Variants in PTPRD observed in about 807,000 individuals in gnomAD.
The protein encoded by PTPRD is protein tyrosine phosphatase receptor type D, also known as receptor-type tyrosine-protein phosphatase delta.
Under a neutral mutation model 214.5 loss-of-function variants are expected in PTPRD, and 34 were observed. The ratio of observed to expected loss-of-function variants is 0.16; its 90% confidence interval spans 0.12 to 0.21. The LOEUF (loss-of-function observed/expected upper bound fraction) is 0.21. Ranked by LOEUF, PTPRD falls within the 10% of genes least tolerant of loss-of-function variation. The probability of loss-of-function intolerance (pLI) is 1.00; values close to 1 mark genes in which losing one functional copy is unlikely to be tolerated. For missense variants in PTPRD, 2,545 were observed against 2,398.7 expected (o/e 1.06, Z -1.27); for synonymous variants, 1,128 against 845.7 (o/e 1.33, Z -5.79).
intron 3 of PTPRD, among the ~76,000 whole-genome samples, chr9:10,191,610 T>A (rs151229359): frequency 6.6e-6 from 1 of 152,286 alleles, no homozygotes; most frequent in Non-Finnish European, 1.5e-5. Flanking sequence ...GATATCCCTA[T>A]ACTTTGTTTG....
Position 10,118,608 on chromosome 9 carries a change from G to A in PTPRD, c.-544-84818C>T, listed in dbSNP as rs543257242. Among the ~76,000 whole-genome samples, 15 of 151,522 alleles carry A rather than the reference G, an allele frequency of 9.9e-5. No individual in the cohort carries two copies. The South Asian group carries it at 2.7e-3, about 27-fold the overall frequency. The stretch of plus-strand genomic sequence containing the variant: ...AATGTGCAAGTAAAAAAGAATTGGA[G>A]AATAAAAGAATTAAAGATGTTAGTT... On this transcript the variant is annotated intron_variant, in intron 3 of 45. Transcript: ENST00000381196.
intron 11 of PTPRD, among the ~76,000 whole-genome samples, chr9:8,955,753 T>A: frequency 6.6e-6 from 1 of 151,822 alleles, no homozygotes; most frequent in Admixed American, 6.6e-5. Context: ...GCCTTTTAAT[T>A]AAAAAAAGTC....
chr9:10,536,686 C>T (rs1235106077), intron 2 of PTPRD, among the ~76,000 whole-genome samples: 2 of 152,028 alleles, frequency 1.3e-5, no homozygotes, highest in African/African-American at 4.8e-5. Context: ...CTGGTTAACA[C>T]AGAATGCATT....
At chr9:9,543,864 T>C (rs1339744727) in intron 8 of PTPRD, among the ~76,000 whole-genome samples, 1 of 151,704 alleles carries the variant, frequency 6.6e-6, no homozygotes, top group Non-Finnish European at 1.5e-5. Flanking sequence ...GCTTAACTAT[T>C]GTTAAAACAA....
chr9:10,187,203 T>C (rs575386874), intron 3 of PTPRD, among the ~76,000 whole-genome samples: 1 of 152,256 alleles, frequency 6.6e-6, no homozygotes, highest in Admixed American at 6.5e-5. Context: ...AACCTTTCTG[T>C]CTCTTACAGC....
At chr9:9,053,319 T>C (rs530160730) in intron 10 of PTPRD, among the ~76,000 whole-genome samples, 8 of 152,214 alleles carry the variant, frequency 5.3e-5, no homozygotes, top group African/African-American at 1.9e-4. Context: ...GAAATAATCA[T>C]TAAAAATTTT....
At chr9:10,200,149 C>T (rs1296455574) in intron 3 of PTPRD, among the ~76,000 whole-genome samples, 2 of 151,994 alleles carry the variant, frequency 1.3e-5, no homozygotes, top group East Asian at 1.9e-4. Flanking sequence ...CTTTCTTTTA[C>T]CTCCCTCTTG....
chr9:9,689,926 G>A (rs1232707364), intron 7 of PTPRD, among the ~76,000 whole-genome samples: 14 of 151,914 alleles, frequency 9.2e-5, no homozygotes, highest in Non-Finnish European at 1.8e-4. Context: ...TAACTACTGT[G>A]AATAGTGCTG....
chr9:10,476,883 G>C (rs1426569821), intron 2 of PTPRD, among the ~76,000 whole-genome samples: 2 of 152,008 alleles, frequency 1.3e-5, no homozygotes, highest in African/African-American at 4.8e-5. Flanking sequence ...CAAGCAATAG[G>C]TAAAGAATTC....
chr9:10,441,597 T>C (rs1472451227), intron 2 of PTPRD, among the ~76,000 whole-genome samples: 1 of 151,682 alleles, frequency 6.6e-6, no homozygotes, highest in Non-Finnish European at 1.5e-5. Context: ...ATCCTTATTA[T>C]TGTGCTTATT....
At chr9:9,034,501 C>T (rs891594718) in intron 10 of PTPRD, among the ~76,000 whole-genome samples, 5 of 152,126 alleles carry the variant, frequency 3.3e-5, no homozygotes, top group South Asian at 2.1e-4. Flanking sequence ...GATTTGAAGA[C>T]GGTTAAGTGC....
At chr9:9,715,249 C>A (rs964633745) in intron 7 of PTPRD, among the ~76,000 whole-genome samples, 4 of 152,088 alleles carry the variant, frequency 2.6e-5, no homozygotes, top group Admixed American at 6.6e-5. Flanking sequence ...TACTATATTG[C>A]GGGCAATTTG....
chr9:8,585,188 T>C (rs7861140), intron 14 of PTPRD, among the ~76,000 whole-genome samples: 24,056 of 152,114 alleles, frequency 0.16, 2,060 homozygotes, highest in African/African-American at 0.21. Context: ...AATATGAAAT[T>C]CAGTTAGTCA....
intron 3 of PTPRD, among the ~76,000 whole-genome samples, chr9:10,285,076 A>C (rs12005969): frequency 0.11 from 17,147 of 152,150 alleles, 2,295 homozygotes; most frequent in African/African-American, 0.3. Flanking sequence ...GGAACTAAAA[A>C]TTTACTTTTA....
intron 4 of PTPRD, among the ~76,000 whole-genome samples, chr9:9,943,360 C>A (rs1442406684): frequency 6.6e-6 from 1 of 152,094 alleles, no homozygotes; most frequent in Non-Finnish European, 1.5e-5. Flanking sequence ...TCATCACTCT[C>A]TGGAATTTTT....
At chr9:10,547,780 G>A (rs1240361331) in intron 2 of PTPRD, among the ~76,000 whole-genome samples, 2 of 151,928 alleles carry the variant, frequency 1.3e-5, no homozygotes, top group Admixed American at 1.3e-4. Context: ...GCTAAGCAAT[G>A]GAGGAAGTAA....
intron 12 of PTPRD, among the ~76,000 whole-genome samples, chr9:8,705,095 A>G (rs980094703): frequency 6.6e-6 from 1 of 152,146 alleles, no homozygotes; most frequent in Non-Finnish European, 1.5e-5. Flanking sequence ...ATTTTCAATA[A>G]GTTTAAAAAA....
At chr9:10,219,389 A>G (rs1460498825) in intron 3 of PTPRD, among the ~76,000 whole-genome samples, 1 of 151,864 alleles carries the variant, frequency 6.6e-6, no homozygotes, top group Non-Finnish European at 1.5e-5. Flanking sequence ...GAGTCTGTCA[A>G]GATTCTTTTT....
intron 10 of PTPRD, among the ~76,000 whole-genome samples, chr9:9,137,197 C>T (rs1342963192): frequency 1.3e-5 from 2 of 152,138 alleles, no homozygotes; most frequent in African/African-American, 4.8e-5. Context: ...GTTATAATAG[C>T]TGCATTTCAG....
Sources: allele counts gnomAD v4.1 joint callset (sites outside exome capture counted in the v4.1 genomes callset), GRCh38; gene constraint gnomAD v4.1.1; transcripts MANE v1.5; gene names NCBI Gene and HGNC (gene_info 2026-07-23, HGNC 2026-07-21).